Variants in ARPP21 observed in about 807,000 individuals in gnomAD.
ARPP21 encodes cAMP regulated phosphoprotein 21.
A neutral mutation model predicts 113.2 loss-of-function variants in ARPP21; 69 were observed. The ratio of observed to expected loss-of-function variants is 0.61; its 90% CI spans 0.50 to 0.74. The LOEUF (loss-of-function observed/expected upper bound fraction) is 0.74, where lower values mean the gene tolerates loss of function less well. ARPP21 is among the 30% of genes least tolerant of loss of function. The pLI, the probability that ARPP21 is intolerant of heterozygous loss-of-function variation, is 0.00. For missense variants in ARPP21, 1,070 were observed against 1,037.4 expected (o/e 1.03, Z -0.43); for synonymous variants, 368 against 375.5 (o/e 0.98, Z 0.23).
At chr3:35,640,620 G>A (rs1369737136) in intron 1 of ARPP21, among the ~76,000 whole-genome samples, 1 of 152,168 alleles carries the variant, frequency 6.6e-6, no homozygotes, top group Non-Finnish European at 1.5e-5. Flanking sequence ...AGACAGAAAT[G>A]GAAAGCTGGA....
At chr3:35,715,570 T>C (rs2092269238) in intron 12 of ARPP21, 94 bp downstream of exon 12, 1 of 988,246 alleles carries the variant, frequency 1.0e-6, no homozygotes, top group Non-Finnish European at 1.6e-6. Context: ...TATATGTGTG[T>C]GCTTGAATAT....
intron 9 of ARPP21, among the ~76,000 whole-genome samples, chr3:35,705,920 A>G (rs897664242): frequency 2.0e-5 from 3 of 152,158 alleles, no homozygotes; most frequent in Non-Finnish European, 4.4e-5. Flanking sequence ...CACTTAAACT[A>G]CTTCTTTATT....
At chr3:35,708,822 C>G in intron 10 of ARPP21, 147 bp from the exon 11 acceptor site, 1 of 636,758 alleles carries the variant, frequency 1.6e-6, no homozygotes, top group Non-Finnish European at 2.8e-6. Context: ...GCACCCAACA[C>G]AGCCTCCTCA....
At chr3:35,763,703 A>C (rs2095857831) in intron 19 of ARPP21, among the ~76,000 whole-genome samples, 1 of 152,174 alleles carries the variant, frequency 6.6e-6, no homozygotes, top group Non-Finnish European at 1.5e-5. Context: ...AACTGACTTT[A>C]GCGGCAGTTT....
intron 9 of ARPP21, among the ~76,000 whole-genome samples, chr3:35,701,876 A>T (rs1378847187): frequency 6.6e-6 from 1 of 151,586 alleles, no homozygotes; most frequent in African/African-American, 2.4e-5. Context: ...ATTTGACAAA[A>T]CAAAATATCT....
At chr3:35,717,633 A>T (rs2150220029) in intron 13 of ARPP21, among the ~76,000 whole-genome samples, 1 of 152,230 alleles carries the variant, frequency 6.6e-6, no homozygotes, top group Non-Finnish European at 1.5e-5. Flanking sequence ...TGATTTTCCC[A>T]AATTAACTTT....
intron 19 of ARPP21, among the ~76,000 whole-genome samples, chr3:35,787,048 C>A (rs888488689): frequency 1.3e-5 from 2 of 152,084 alleles, no homozygotes; most frequent in Admixed American, 1.3e-4. Flanking sequence ...TGAAGTGAGA[C>A]AGGAAAAAAA....
intron 9 of ARPP21, among the ~76,000 whole-genome samples, chr3:35,703,003 T>C (rs2087061341): frequency 6.6e-6 from 1 of 151,824 alleles, no homozygotes; most frequent in Non-Finnish European, 1.5e-5. Flanking sequence ...ATAGAAACTT[T>C]TAATTTTATG....
rs1475574629 is a variant in ARPP21 at position 35,721,634 on chromosome 3, C to T, written c.1025C>T (p.Ser342Phe). The change falls in exon 14 of 21, where the codon TCT (serine) becomes TTT (phenylalanine). Residue 342 changes from serine to phenylalanine, a missense_variant. Transcript: ENST00000684406. ...AACAGAGATGGCTCAGGGAGAACATCTGGGAGTCGACAGAGCAGCTCAGAA... is the reference window on the plus strand; with the variant it reads ...AACAGAGATGGCTCAGGGAGAACATTTGGGAGTCGACAGAGCAGCTCAGAA... ...RGNRDGSGRT[S>F]GSRQSSSENE... 2.5e-6 allele frequency: 4 copies of T among 1,613,118 alleles called. No homozygotes were observed. The African/African-American group carries it at 5.3e-5, about 22-fold the overall frequency.
intron 19 of ARPP21, among the ~76,000 whole-genome samples, chr3:35,746,397 G>A (rs17033748): frequency 0.035 from 5,267 of 152,244 alleles, 158 homozygotes; most frequent in South Asian, 0.11. Context: ...GCAGTCATTT[G>A]TGAGAGCAAC....
intron 15 of ARPP21, among the ~76,000 whole-genome samples, 171 bp downstream of exon 15, chr3:35,729,707 T>C (rs902190877): frequency 3.7e-4 from 56 of 152,228 alleles, no homozygotes; most frequent in African/African-American, 1.3e-3. Flanking sequence ...CAGCAGTATC[T>C]ATAACTCTAT....
intron 1 of ARPP21, among the ~76,000 whole-genome samples, chr3:35,663,012 G>A (rs766756024): frequency 6.6e-6 from 1 of 152,064 alleles, no homozygotes; most frequent in African/African-American, 2.4e-5. Context: ...TTTGATAACA[G>A]AGTAGGGTGA....
At chr3:35,730,159 C>T (rs188700307) in intron 15 of ARPP21, among the ~76,000 whole-genome samples, 43 of 152,272 alleles carry the variant, frequency 2.8e-4, no homozygotes, top group African/African-American at 9.1e-4. Flanking sequence ...TTTATGATTA[C>T]GGTTTCTTCT....
At chr3:35,685,365 G>A in intron 5 of ARPP21, 1 of 985,298 alleles carries the variant, frequency 1.0e-6, no homozygotes. Context: ...GCCTCTCTTT[G>A]GATTGGCTGA....
intron 19 of ARPP21, among the ~76,000 whole-genome samples, chr3:35,757,742 G>T (rs2095624737): frequency 6.6e-6 from 1 of 152,056 alleles, no homozygotes; most frequent in Non-Finnish European, 1.5e-5. Context: ...CTGCCTTTGA[G>T]CCTATGTATA....
chr3:35,757,069 AT>A (rs142766845), intron 19 of ARPP21, among the ~76,000 whole-genome samples: 8,871 of 136,906 alleles, frequency 0.065, 659 homozygotes, highest in East Asian at 0.21. Context: ...CCTTTTAGTG[AT>A]TTTTTTTTTT....
intron 19 of ARPP21, among the ~76,000 whole-genome samples, chr3:35,787,809 G>A (rs1382509252): frequency 9.9e-5 from 15 of 152,158 alleles, no homozygotes; most frequent in Non-Finnish European, 1.5e-5. Context: ...AGAACTAGAA[G>A]AATGTATAAA....
At chr3:35,685,651 C>T in intron 5 of ARPP21, 1 of 984,946 alleles carries the variant, frequency 1.0e-6, no homozygotes, top group Non-Finnish European at 1.2e-6. Flanking sequence ...ACTCTTGCTA[C>T]CTGTATTACT....
chr3:35,733,707 C>T (rs941658153), intron 15 of ARPP21, among the ~76,000 whole-genome samples: 2 of 152,150 alleles, frequency 1.3e-5, no homozygotes, highest in African/African-American at 4.8e-5. Flanking sequence ...TGCTTTTGTT[C>T]TGTTCTCTAG....
Sources: gnomAD v4.1 joint callset for allele counts (sites outside exome capture counted in the v4.1 genomes callset) on GRCh38, gnomAD v4.1.1 for gene constraint, MANE v1.5 for transcripts, NCBI Gene and HGNC (gene_info 2026-07-23, HGNC 2026-07-21) for gene names.